Variants in IL33 observed in about 807,000 individuals in gnomAD.
The protein encoded by IL33 is interleukin-33.
IL33 carries 37 observed loss-of-function variants against 27.3 expected under a neutral mutation model. The ratio of observed to expected loss-of-function variants is 1.36; its 90% CI spans 1.04 to 1.78. The LOEUF (loss-of-function observed/expected upper bound fraction) is 1.78. Among genes scored for constraint, IL33 ranks in the 40% most tolerant of loss-of-function variants. IL33 has a pLI of 0.00. For synonymous variants in IL33, 132 were observed against 102.9 expected (o/e 1.28, Z -1.71); for missense variants, 406 against 311.4 (o/e 1.30, Z -2.29).
In IL33 at chr9:6,221,013, C is replaced by T. The variant is rs929123819; in HGVS notation, c.-12+5161C>T. 2.0e-5 allele frequency among the ~76,000 whole-genome samples: 3 copies of T among 152,250 alleles called. No individual in the cohort carries two copies. The South Asian group carries it at 6.2e-4, about 32-fold the overall frequency. ...AAGTAATCCTCCTGCCTCAGCCTCT[C>T]AAAGTGCTGGGATTACAGGTGTGAG... On this transcript the variant is annotated intron_variant, in intron 1 of 7. Transcript: ENST00000682010.
chr9:6,225,484 G>A (rs941337999), intron 1 of IL33, among the ~76,000 whole-genome samples: 3 of 152,064 alleles, frequency 2.0e-5, no homozygotes, highest in Admixed American at 6.6e-5. Context: ...AAGACCCTCC[G>A]CCGGCTCTGA....
chr9:6,226,784 G>A (rs563225404), intron 1 of IL33, among the ~76,000 whole-genome samples: 9 of 152,280 alleles, frequency 5.9e-5, no homozygotes, highest in Non-Finnish European at 1.3e-4. Context: ...AAGGCTTTGT[G>A]GCTTTCTGCT....
At position 6,256,417 on chromosome 9, in the gene IL33, C is replaced by G. The variant is rs1044747149; in HGVS notation, c.*249C>G. ...AATAGGGTATTGGTAAAGAAACGGTCAACATTCTAAAGAGATACAGTCTGA... is the reference window on the plus strand; with the variant it reads ...AATAGGGTATTGGTAAAGAAACGGTGAACATTCTAAAGAGATACAGTCTGA... On this transcript the variant is annotated 3_prime_UTR_variant, in exon 8 of 8. Transcript: ENST00000682010. 2.0e-6 allele frequency: 1 copy of G among 511,730 alleles called. No individual in the cohort carries two copies. The highest frequency in any genetic ancestry group is 3.4e-6 in the Non-Finnish European group (1 of 293,608). The allele number at this position is 511,730 out of a possible 1,614,324, so 31.7% of individuals were successfully genotyped here.
chr9:6,226,431 C>T (rs1818632854), intron 1 of IL33, among the ~76,000 whole-genome samples: 1 of 152,132 alleles, frequency 6.6e-6, no homozygotes, highest in Non-Finnish European at 1.5e-5. Flanking sequence ...TGTTCCATCT[C>T]TGTTCTAGCA....
intron 1 of IL33, among the ~76,000 whole-genome samples, chr9:6,226,264 C>G (rs1032604300): frequency 6.6e-6 from 1 of 152,078 alleles, no homozygotes; most frequent in African/African-American, 2.4e-5. Context: ...ATCATCCCAC[C>G]TCAGCTTCCA....
chr9:6,216,049 T>G (rs1564040864), intron 1 of IL33, among the ~76,000 whole-genome samples, 197 bp downstream of exon 1: 1 of 152,234 alleles, frequency 6.6e-6, no homozygotes. Flanking sequence ...TTTGGGTGAT[T>G]TGTAAAATTA....
At chr9:6,250,215 G>A (rs977870387) in intron 2 of IL33, among the ~76,000 whole-genome samples, 1 of 151,994 alleles carries the variant, frequency 6.6e-6, no homozygotes, top group Admixed American at 6.6e-5. Context: ...ATTTTCCTAT[G>A]TTTCAATATA....
At chr9:6,245,820 T>A (rs934478393) in intron 2 of IL33, among the ~76,000 whole-genome samples, 2 of 151,988 alleles carry the variant, frequency 1.3e-5, no homozygotes, top group Admixed American at 6.6e-5. Context: ...CCCAGAACTT[T>A]GGGAGGCTGA....
At chr9:6,252,770 G>T in intron 4 of IL33, 96 bp from the exon 5 acceptor site, 1 of 1,428,440 alleles carries the variant, frequency 7.0e-7, no homozygotes, top group Non-Finnish European at 9.7e-7. Flanking sequence ...CATACAAAAT[G>T]CAACTCAAAT....
chr9:6,222,937 A>C (rs1282154952), intron 1 of IL33, among the ~76,000 whole-genome samples: 2 of 152,190 alleles, frequency 1.3e-5, no homozygotes, highest in African/African-American at 2.4e-5. Context: ...AATATATCAT[A>C]CACATAAACT....
At chr9:6,240,617 T>G (rs1322948921) in intron 1 of IL33, among the ~76,000 whole-genome samples, 1 of 152,168 alleles carries the variant, frequency 6.6e-6, no homozygotes, top group African/African-American at 2.4e-5. Flanking sequence ...CAATTAACCA[T>G]GAATGGAGCT....
chr9:6,248,502 T>C (rs982017468), intron 2 of IL33, among the ~76,000 whole-genome samples: 5 of 152,152 alleles, frequency 3.3e-5, no homozygotes, highest in Admixed American at 3.3e-4. Context: ...CACCATCAGA[T>C]GATCCTCACC....
chr9:6,254,462 G>A lies in IL33; in HGVS notation c.521G>A (p.Gly174Asp). 1.3e-6 allele frequency: 2 copies of A among 1,565,792 alleles called. No homozygotes were observed. The highest frequency in any genetic ancestry group is 1.7e-6 in the Non-Finnish European group (2 of 1,150,926). The change falls in exon 7 of 8, where the codon GGT becomes GAT. Residue 174 changes from glycine (G) to aspartate (D), a missense_variant and splice_region_variant. Gly to Asp is a moderately conservative substitution (Grantham distance 94, BLOSUM62 -1). Transcript: ENST00000682010. ...YESQHPSNES[G>D]DGVDGKMLMV... ...TCATTTATACTTTCTTAATTGTAAG[G>A]TGACGGTGTTGATGGTAAGATGTTA...
chr9:6,241,771 G>T lies in IL33; in HGVS notation c.77G>T (p.Cys26Phe), dbSNP rs755596629. The T allele has an allele frequency of 1.9e-5, 30 of 1,609,582 alleles. No individual in the cohort carries two copies. In the South Asian group the frequency reaches 3.1e-4, roughly 17 times the overall value. ...KWKNTASKALCFKLGKSQQKA... is the reference protein window; with the variant it reads ...KWKNTASKALFFKLGKSQQKA... The stretch of plus-strand genomic sequence containing the variant: ...AAGAACACAGCAAGCAAAGCCTTGT[G>T]TTTCAAGCTGGGAAGTAAGGACTTA... Residue 26 changes from cysteine (C) to phenylalanine (F), a missense_variant, in exon 2 of 8, where the codon TGT becomes TTT. Cys to Phe is a radical substitution (Grantham distance 205, BLOSUM62 -2). Coordinates refer to ENST00000682010, the MANE Select transcript of IL33 (RefSeq NM_033439.4).
At chr9:6,245,828 T>C (rs1336045475) in intron 2 of IL33, among the ~76,000 whole-genome samples, 2 of 151,916 alleles carry the variant, frequency 1.3e-5, no homozygotes, top group Non-Finnish European at 2.9e-5. Flanking sequence ...TTTGGGAGGC[T>C]GAGGCGGGCG....
At chr9:6,255,862 A>G (rs1419102929) in intron 7 of IL33, 106 bp from the exon 8 acceptor site, 3 of 869,376 alleles carry the variant, frequency 3.5e-6, no homozygotes, top group African/African-American at 3.3e-5. Flanking sequence ...TGCTAGAAAT[A>G]TCAAGTCATA....
rs372934238 is a variant in IL33 at position 6,241,750 on chromosome 9, A to G, written c.56A>G (p.Asn19Ser). 11 of 1,611,990 alleles carry G rather than the reference A, an allele frequency of 6.8e-6. No individual in the cohort carries two copies. The African/African-American group carries it at 1.5e-4, about 22-fold the overall frequency. The change falls in exon 2 of 8, where the codon AAC becomes AGC. Residue 19 changes from asparagine (N) to serine (S), a missense_variant. Asn to Ser is a conservative substitution (Grantham distance 46). Coordinates refer to ENST00000682010, the MANE Select transcript of IL33 (RefSeq NM_033439.4). Reference protein sequence around the residue: ...TNKISTAKWKNTASKALCFKL... With the variant: ...TNKISTAKWKSTASKALCFKL... ...AAAATTTCCACAGCAAAGTGGAAGA[A>G]CACAGCAAGCAAAGCCTTGTGTTTC...
rs1819183636 is a variant in IL33 at position 6,236,017 on chromosome 9, A to ACC, written c.-11-5667_-11-5666insCC. Among the ~76,000 whole-genome samples the ACC allele has an allele frequency of 3.0e-5, 3 of 100,332 alleles. No homozygotes were observed. The Admixed American group carries it at 3.7e-4, about 12-fold the overall frequency. The allele number at this position is 100,332 out of a possible 152,430, so 65.8% of individuals were successfully genotyped here. Reference sequence around the variant, plus strand: ...CATACACCCACACCCACCCACACCCATACACACACACACACACACACACAC... The same window carrying ACC: ...CATACACCCACACCCACCCACACCCACCTACACACACACACACACACACACAC... On this transcript the variant is annotated intron_variant, in intron 1 of 7. Coordinates refer to ENST00000682010, the MANE Select transcript of IL33 (RefSeq NM_033439.4).
intron 1 of IL33, among the ~76,000 whole-genome samples, chr9:6,227,202 G>A (rs1818676733): frequency 6.6e-6 from 1 of 152,180 alleles, no homozygotes. Context: ...GTAGCCCTTT[G>A]AGAGTCCAGG....
Sources: allele counts gnomAD v4.1 joint callset (sites outside exome capture counted in the v4.1 genomes callset), GRCh38; gene constraint gnomAD v4.1.1; transcripts MANE v1.5; gene names NCBI Gene and HGNC (gene_info 2026-07-23, HGNC 2026-07-21).